The following DISP1 variants were observed in gnomAD, a reference collection of about 807,000 sequenced individuals.
The protein encoded by DISP1 is dispatched RND transporter family member 1, also known as protein dispatched homolog 1.
Under a neutral mutation model 37.3 loss-of-function variants are expected in DISP1, and 30 were observed. That is an observed-to-expected ratio of 0.80 (90% CI 0.60 to 1.09). The LOEUF is 1.09. Among genes scored for constraint, DISP1 ranks in the 50% least tolerant of loss-of-function variants. The pLI is 0.00. For synonymous variants in DISP1, 634 were observed against 690.2 expected (o/e 0.92, Z 1.28); for missense variants, 1,598 against 1,879.5 (o/e 0.85, Z 2.77).
intron 1 of DISP1, among the ~76,000 whole-genome samples, chr1:222,902,514 G>T (rs574630917): frequency 6.6e-6 from 1 of 152,044 alleles, no homozygotes; most frequent in Non-Finnish European, 1.5e-5. Context: ...AGAGTGAACA[G>T]GCAACCTACA....
intron 3 of DISP1, among the ~76,000 whole-genome samples, chr1:222,962,375 G>T (rs548247671): frequency 2.6e-5 from 4 of 152,272 alleles, no homozygotes; most frequent in Non-Finnish European, 4.4e-5. Flanking sequence ...TATAGATTCA[G>T]TGCTATTCCC....
intron 8 of DISP1, among the ~76,000 whole-genome samples, chr1:222,997,257 T>C (rs1327321968): frequency 6.6e-5 from 10 of 152,118 alleles, no homozygotes; most frequent in Admixed American, 6.6e-4. Flanking sequence ...CCCACAATCT[T>C]GTACATTTGC....
chr1:222,872,017 A>G (rs1183271832), intron 1 of DISP1, among the ~76,000 whole-genome samples: 2 of 152,098 alleles, frequency 1.3e-5, no homozygotes, highest in African/African-American at 4.8e-5. Context: ...AATTTTGTCA[A>G]AGGCCTTTTC....
At chr1:222,852,093 AG>A (rs1037644607) in intron 1 of DISP1, among the ~76,000 whole-genome samples, 1 of 152,148 alleles carries the variant, frequency 6.6e-6, no homozygotes, top group Non-Finnish European at 1.5e-5. Context: ...CTGAGGCAGG[AG>A]AATGGCTTGA....
intron 1 of DISP1, among the ~76,000 whole-genome samples, chr1:222,839,704 G>A (rs188689117): frequency 1.3e-5 from 2 of 152,160 alleles, no homozygotes; most frequent in Admixed American, 1.3e-4. Context: ...GGAGGCTGAG[G>A]CGGGTGGATC....
At chr1:222,923,184 GA>G (rs1672900923) in intron 1 of DISP1, among the ~76,000 whole-genome samples, 1 of 152,160 alleles carries the variant, frequency 6.6e-6, no homozygotes, top group Non-Finnish European at 1.5e-5. Flanking sequence ...ATGGAAAAAT[GA>G]AGATGGACTT....
intron 1 of DISP1, among the ~76,000 whole-genome samples, chr1:222,824,469 C>A (rs1209775917): frequency 6.6e-6 from 1 of 152,146 alleles, no homozygotes; most frequent in Non-Finnish European, 1.5e-5. Context: ...TTCAAAAGCA[C>A]CTTAAATGAT....
At chr1:222,957,927 G>A (rs1393375916) in intron 3 of DISP1, among the ~76,000 whole-genome samples, 1 of 152,182 alleles carries the variant, frequency 6.6e-6, no homozygotes, top group African/African-American at 2.4e-5. Context: ...GCTTAGATTT[G>A]TTCCAGTTTA....
At chr1:222,845,376 T>G (rs993390593) in intron 1 of DISP1, among the ~76,000 whole-genome samples, 2 of 152,188 alleles carry the variant, frequency 1.3e-5, no homozygotes, top group Non-Finnish European at 2.9e-5. Context: ...ATTTATATGT[T>G]GTTCTGACAT....
At chr1:222,879,815 G>A (rs1670175085) in intron 1 of DISP1, among the ~76,000 whole-genome samples, 2 of 152,048 alleles carry the variant, frequency 1.3e-5, no homozygotes, top group Non-Finnish European at 2.9e-5. Context: ...TCAAAGAAAT[G>A]TAAGTTTAAA....
Position 222,872,948 on chromosome 1 carries a change from A to C in DISP1, c.-158-55482A>C, listed in dbSNP as rs562893928. On this transcript the variant is annotated intron_variant, in intron 1 of 8. Coordinates refer to ENST00000675850, the MANE Select transcript of DISP1 (RefSeq NM_001377229.1). ...TTCCCTCTACACACTGCTTTGAATG[A>C]GTCCCAGAGATTCTGGTATGTTGTG... Among the ~76,000 whole-genome samples the C allele has an allele frequency of 3.0e-3, 450 of 152,098 alleles. 3 individuals are homozygous for C. The highest frequency in any genetic ancestry group is 0.011 in the African/African-American group (437 of 41,532).
chr1:222,916,161 G>A (rs777292767), intron 1 of DISP1, among the ~76,000 whole-genome samples: 1 of 152,198 alleles, frequency 6.6e-6, no homozygotes, highest in Non-Finnish European at 1.5e-5. Context: ...GGTTAAAGGT[G>A]CCTCTGATGA....
At chr1:222,901,395 C>A (rs1671571132) in intron 1 of DISP1, among the ~76,000 whole-genome samples, 1 of 151,802 alleles carries the variant, frequency 6.6e-6, no homozygotes, top group African/African-American at 2.4e-5. Flanking sequence ...ATGACAAAGG[C>A]AATGGAATAA....
chr1:222,941,042 TAAC>T (rs755790378), intron 2 of DISP1, among the ~76,000 whole-genome samples: 5 of 152,208 alleles, frequency 3.3e-5, no homozygotes, highest in Non-Finnish European at 5.9e-5. Context: ...TTTCTTTTGT[TAAC>T]AACAAAAGGG....
chr1:222,991,697 T>A (rs746108764), intron 6 of DISP1, 50 bp downstream of exon 6: 8 of 1,572,104 alleles, frequency 5.1e-6, no homozygotes, highest in Non-Finnish European at 7.0e-6. Context: ...CATTGCTGAA[T>A]GAATTCCTCT....
intron 1 of DISP1, among the ~76,000 whole-genome samples, chr1:222,923,316 C>T (rs1042598594): frequency 2.0e-5 from 3 of 152,034 alleles, no homozygotes; most frequent in Non-Finnish European, 1.5e-5. Context: ...ATTCAGAAGC[C>T]GTGAACTGCA....
At chr1:222,987,714 G>A (rs1393322695) in intron 4 of DISP1, among the ~76,000 whole-genome samples, 1 of 152,146 alleles carries the variant, frequency 6.6e-6, no homozygotes, top group Non-Finnish European at 1.5e-5. Flanking sequence ...GCAATTTGGG[G>A]CCTACTGCCC....
intron 1 of DISP1, among the ~76,000 whole-genome samples, chr1:222,919,963 G>C (rs1672720080): frequency 6.6e-6 from 1 of 152,188 alleles, no homozygotes; most frequent in Non-Finnish European, 1.5e-5. Flanking sequence ...TGTAATCTAA[G>C]TTATACTTAA....
intron 4 of DISP1, among the ~76,000 whole-genome samples, chr1:222,990,194 G>A (rs116164771): frequency 0.011 from 1,722 of 152,160 alleles, 38 homozygotes; most frequent in African/African-American, 0.039. Flanking sequence ...GTGGAGAAAG[G>A]GAATAACTAG....
Sources: allele counts gnomAD v4.1 joint callset (sites outside exome capture counted in the v4.1 genomes callset), GRCh38; gene constraint gnomAD v4.1.1; transcripts MANE v1.5; gene names NCBI Gene and HGNC (gene_info 2026-07-23, HGNC 2026-07-21).